HPS3: variants seen among roughly 807,000 people sequenced by gnomAD.
The protein encoded by HPS3 is HPS3 biogenesis of lysosomal organelles complex 2 subunit 1, also known as BLOC-2 complex member HPS3.
Under a neutral mutation model 110.9 loss-of-function variants are expected in HPS3, and 79 were observed. The observed-to-expected ratio is 0.71, with a 90% CI of 0.59 to 0.86. The LOEUF (loss-of-function observed/expected upper bound fraction) is 0.86, where lower values mean the gene tolerates loss of function less well. Ranked by LOEUF, HPS3 falls within the 40% of genes least tolerant of loss-of-function variation. HPS3 has a pLI of 0.00. For synonymous variants in HPS3, 428 were observed against 451.0 expected, an observed-to-expected ratio of 0.95 and a Z score of 0.65; for missense variants, 1,197 against 1,206.2, an observed-to-expected ratio of 0.99 and a Z score of 0.11.
At chr3:149,140,687 T>C (rs1178017184) in intron 2 of HPS3, among the ~76,000 whole-genome samples, 189 bp downstream of exon 2, 1 of 152,214 alleles carries the variant, frequency 6.6e-6, no homozygotes, top group African/African-American at 2.4e-5. Flanking sequence ...TGAATATATT[T>C]ATCAGTAGAA....
intron 1 of HPS3, among the ~76,000 whole-genome samples, chr3:149,133,926 C>T (rs1394767609): frequency 6.6e-6 from 1 of 151,350 alleles, no homozygotes; most frequent in Non-Finnish European, 1.5e-5. Flanking sequence ...GCATTATTTG[C>T]TTTATTGCGG....
At chr3:149,143,118 C>A (rs1015918991) in intron 4 of HPS3, among the ~76,000 whole-genome samples, 2 of 152,126 alleles carry the variant, frequency 1.3e-5, no homozygotes, top group African/African-American at 4.8e-5. Flanking sequence ...AGAGGGTCAG[C>A]TAAAGATCCA....
chr3:149,136,053 C>G (rs921116969), intron 1 of HPS3, among the ~76,000 whole-genome samples: 1 of 152,018 alleles, frequency 6.6e-6, no homozygotes, highest in Admixed American at 6.5e-5. Context: ...TTTTAAAAAT[C>G]AGTAACTCTA....
intron 14 of HPS3, 98 bp downstream of exon 14, chr3:149,164,047 G>A (rs1044475571): frequency 7.2e-5 from 49 of 675,928 alleles, no homozygotes; most frequent in Non-Finnish European, 1.2e-4. Context: ...AATCTAGAAT[G>A]TAGAATTTTG....
At chr3:149,169,897 A>C (rs1159977900) in intron 16 of HPS3, among the ~76,000 whole-genome samples, 1 of 152,234 alleles carries the variant, frequency 6.6e-6, no homozygotes, top group Non-Finnish European at 1.5e-5. Flanking sequence ...TTTTCTAGAC[A>C]TGCTGGAAGA....
chr3:149,153,818 A>G, intron 7 of HPS3, 170 bp downstream of exon 7: 1 of 659,024 alleles, frequency 1.5e-6, no homozygotes, highest in Non-Finnish European at 2.6e-6. Flanking sequence ...TCTGTAATAC[A>G]CTTTATAACT....
chr3:149,171,676 A>G (rs1262502596), intron 16 of HPS3, among the ~76,000 whole-genome samples: 1 of 147,054 alleles, frequency 6.8e-6, no homozygotes, highest in South Asian at 2.2e-4. Context: ...AAGTTATAAC[A>G]TTTTGTTACC....
In HPS3 at chr3:149,172,224, G is replaced by C. The variant is rs776380448; in HGVS notation, c.*2G>C. 1.2e-5 allele frequency: 19 copies of C among 1,601,832 alleles called. No individual in the cohort carries two copies. In the African/African-American group the frequency reaches 2.4e-4, roughly 20 times the overall value. On this transcript the variant is annotated 3_prime_UTR_variant, in exon 17 of 17. Transcript: ENST00000296051. Reference sequence around the variant, plus strand: ...AGTCGAAAGAAACCATTGACTTAAAGGTATCATTTGAAAAATACCATAATG... The same window carrying C: ...AGTCGAAAGAAACCATTGACTTAAACGTATCATTTGAAAAATACCATAATG...
intron 16 of HPS3, 114 bp from the exon 17 acceptor site, chr3:149,171,981 A>C: frequency 4.7e-5 from 45 of 954,064 alleles, no homozygotes; most frequent in Non-Finnish European, 6.1e-5. Flanking sequence ...CTGGGATTAC[A>C]GGCGTGAGCC....
chr3:149,153,097 G>A (rs111303989), intron 6 of HPS3, among the ~76,000 whole-genome samples: 34 of 152,298 alleles, frequency 2.2e-4, no homozygotes, highest in East Asian at 3.9e-4. Flanking sequence ...CCATTTGGGC[G>A]TACCCCCAAC....
Position 149,157,540 on chromosome 3 carries a change from C to T in HPS3, c.1691+9C>T. ...GGGGACTGTTACAGCAGGTGGGTGA[C>T]ACCTCTTGGAACCTTGTTACAGAAG... On this transcript the variant is annotated intron_variant, in intron 9 of 16. Coordinates refer to ENST00000296051, the MANE Select transcript of HPS3 (RefSeq NM_032383.5). 6.2e-7 allele frequency: 1 copy of T among 1,613,048 alleles called. No individual in the cohort carries two copies. The highest frequency in any genetic ancestry group is 8.5e-7 in the Non-Finnish European group (1 of 1,179,210).
intron 11 of HPS3, among the ~76,000 whole-genome samples, chr3:149,161,584 A>G (rs1723859587): frequency 7.5e-6 from 1 of 132,616 alleles, no homozygotes; most frequent in South Asian, 2.3e-4. Flanking sequence ...ATCTCAGCTT[A>G]CTGCAACCTC....
Position 149,159,415 on chromosome 3 carries a change from T to G in HPS3, c.1872+569T>G, listed in dbSNP as rs143163137. Among the ~76,000 whole-genome samples, 12 of 152,186 alleles carry G rather than the reference T, an allele frequency of 7.9e-5. No homozygotes were observed. In the East Asian group the frequency reaches 2.3e-3, roughly 29 times the overall value. ...CCATCTCTACAGAAAATTAAAAAAT[T>G]AGCTAGGCTTGGTGGCATACACCTG... On this transcript the variant is annotated intron_variant, in intron 10 of 16. Coordinates refer to ENST00000296051, the MANE Select transcript of HPS3 (RefSeq NM_032383.5).
At chr3:149,143,317 G>A (rs932748466) in intron 4 of HPS3, among the ~76,000 whole-genome samples, 6 of 152,148 alleles carry the variant, frequency 3.9e-5, no homozygotes, top group Admixed American at 1.3e-4. Context: ...CTTCTTGTGC[G>A]TAGGGTACTC....
rs200294685 is a variant in HPS3, at chr3:149,129,826, G to A, written c.103G>A (p.Val35Met). The change falls in exon 1 of 17, where the codon GTG becomes ATG. Residue 35 changes from valine (V) to methionine (M), a missense_variant. Val to Met is a conservative substitution (Grantham distance 21). Coordinates refer to ENST00000296051, the MANE Select transcript of HPS3 (RefSeq NM_032383.5). ...TGGCGGGGGGCGTGACGCGCTTTTC[G>A]TGGCGGCGGGCTGCAAGGTGGAGGC... is the stretch of plus-strand genomic sequence containing the variant. ...FCGGGRDALF[V>M]AAGCKVEAFA... The A allele has an allele frequency of 8.1e-6, 13 of 1,605,386 alleles. No homozygotes were observed. In the East Asian group the frequency reaches 2.9e-4, roughly 36 times the overall value.
chr3:149,130,158 G>A, intron 1 of HPS3: 3 of 574,314 alleles, frequency 5.2e-6, no homozygotes, highest in Non-Finnish European at 9.3e-6. Flanking sequence ...CTTCTGTCGG[G>A]GCGGAGACGC....
chr3:149,155,831 C>T (rs937479042), intron 8 of HPS3, among the ~76,000 whole-genome samples: 8 of 152,028 alleles, frequency 5.3e-5, no homozygotes, highest in South Asian at 2.1e-4. Context: ...GCCAGGAGTT[C>T]GAGACTAGCC....
At chr3:149,171,891 G>C (rs1466800129) in intron 16 of HPS3, among the ~76,000 whole-genome samples, 1 of 152,004 alleles carries the variant, frequency 6.6e-6, no homozygotes, top group South Asian at 2.1e-4. Flanking sequence ...ATTTTTAGTA[G>C]AGACAGGGTT....
chr3:149,167,008 A>C, intron 14 of HPS3, 26 bp from the exon 15 acceptor site: 1 of 1,572,252 alleles, frequency 6.4e-7, no homozygotes, highest in South Asian at 1.1e-5. Flanking sequence ...GCCTCATTTC[A>C]TAACATTTCA....
Sources: allele counts gnomAD v4.1 joint callset (sites outside exome capture counted in the v4.1 genomes callset), GRCh38; gene constraint gnomAD v4.1.1; transcripts MANE v1.5; gene names NCBI Gene and HGNC (gene_info 2026-07-23, HGNC 2026-07-21).